The following HRH1 variants were observed in gnomAD, a reference collection of about 807,000 sequenced individuals.
The protein encoded by HRH1 is histamine receptor H1.
HRH1 carries 6 observed loss-of-function variants against 10.3 expected under a neutral mutation model. That is an observed-to-expected ratio of 0.58 (90% CI 0.32 to 1.15). HRH1 has a LOEUF of 1.15. Ranked by LOEUF, HRH1 falls within the 50% of genes most tolerant of loss-of-function variation. The probability of loss-of-function intolerance (pLI) is 0.05; values close to 1 mark genes in which losing one functional copy is unlikely to be tolerated. For synonymous variants in HRH1, 242 were observed against 236.7 expected, an observed-to-expected ratio of 1.02 and a Z score of -0.21; for missense variants, 514 against 615.3, an observed-to-expected ratio of 0.84 and a Z score of 1.74.
intron 1 of HRH1, among the ~76,000 whole-genome samples, chr3:11,240,628 G>A (rs1939307581): frequency 2.0e-5 from 2 of 102,494 alleles, no homozygotes; most frequent in Admixed American, 1.8e-4. Context: ...ATCTTACCCA[G>A]AGGCTGACTC....
intron 1 of HRH1, among the ~76,000 whole-genome samples, chr3:11,225,007 A>T (rs1480577260): frequency 6.6e-6 from 1 of 152,210 alleles, no homozygotes; most frequent in East Asian, 1.9e-4. Context: ...GAAAGTAGGC[A>T]ACGTCAAAGT....
At chr3:11,153,334 C>T (rs1480730343), upstream of HRH1, among the ~76,000 whole-genome samples, 1 of 152,148 alleles carries the variant, frequency 6.6e-6, no homozygotes, top group Non-Finnish European at 1.5e-5. Context: ...TCTTTATGAA[C>T]CCTTGTGTTA....
intron 1 of HRH1, among the ~76,000 whole-genome samples, chr3:11,199,775 C>T (rs113507206): frequency 6.6e-6 from 1 of 152,170 alleles, no homozygotes; most frequent in African/African-American, 2.4e-5. Flanking sequence ...GACCACGTTG[C>T]TGGCTCCATT....
intron 1 of HRH1, among the ~76,000 whole-genome samples, chr3:11,194,498 A>G (rs1395654388): frequency 6.6e-6 from 1 of 152,198 alleles, no homozygotes; most frequent in Non-Finnish European, 1.5e-5. Flanking sequence ...CCTCCTTCAT[A>G]TACCAACTGT....
intron 1 of HRH1, among the ~76,000 whole-genome samples, chr3:11,207,150 G>A (rs1287188417): frequency 6.6e-6 from 1 of 152,196 alleles, no homozygotes; most frequent in Non-Finnish European, 1.5e-5. Context: ...GTTGATGGTG[G>A]GCAGGGGGCA....
At chr3:11,228,556 G>A (rs1197218973) in intron 1 of HRH1, among the ~76,000 whole-genome samples, 1 of 152,004 alleles carries the variant, frequency 6.6e-6, no homozygotes, top group African/African-American at 2.4e-5. Flanking sequence ...AAATATAAGT[G>A]AATATCACAG....
At chr3:11,166,475 C>T (rs1352086415) in intron 1 of HRH1, among the ~76,000 whole-genome samples, 1 of 152,250 alleles carries the variant, frequency 6.6e-6, no homozygotes, top group East Asian at 1.9e-4. Context: ...GCATTCCTGC[C>T]CTGGTGAGGC....
intron 1 of HRH1, among the ~76,000 whole-genome samples, chr3:11,258,283 A>G (rs1431366093): frequency 6.6e-6 from 1 of 151,610 alleles, no homozygotes; most frequent in Non-Finnish European, 1.5e-5. Context: ...AAGCAAAACA[A>G]AGCCCATTTA....
At chr3:11,220,373 CCT>C (rs1306484186) in intron 1 of HRH1, among the ~76,000 whole-genome samples, 1 of 152,162 alleles carries the variant, frequency 6.6e-6, no homozygotes, top group Non-Finnish European at 1.5e-5. Flanking sequence ...CCTGAGAATC[CCT>C]GTCCTCTGTG....
At chr3:11,196,056 C>G (rs987893075) in intron 1 of HRH1, among the ~76,000 whole-genome samples, 8 of 152,372 alleles carry the variant, frequency 5.3e-5, no homozygotes, top group Non-Finnish European at 7.3e-5. Flanking sequence ...AGTCCATTCT[C>G]TTTCCTGCAG....
intron 1 of HRH1, among the ~76,000 whole-genome samples, chr3:11,185,260 T>C (rs1247135637): frequency 5.3e-5 from 8 of 152,192 alleles, no homozygotes; most frequent in Admixed American, 5.2e-4. Context: ...CTCAGGAACC[T>C]GCACTTTCAC....
rs61738990 is a variant in HRH1, at chr3:11,259,195, G to A, written c.158G>A (p.Arg53Gln). Residue 53 changes from arginine to glutamine, a missense_variant, in exon 2 of 2, where the codon CGG (arginine) becomes CAG (glutamine). By Grantham distance (43) the Arg-to-Gln change is conservative. Transcript: ENST00000431010. This position sits in a 1 kb window ranked among gnomAD's most constrained non-coding sequence, Gnocchi z 4.6. ...GLNLLVLYAV[R>Q]SERKLHTVGN... ...AACCTGCTGGTGCTGTATGCCGTAC[G>A]GAGTGAGCGGAAGCTCCACACTGTG... 2.5e-4 allele frequency: 407 copies of A among 1,613,820 alleles called. No homozygotes were observed. Among genetic ancestry groups the A allele is most frequent in the African/African-American group, 2.5e-3 (186 of 74,930 alleles).
At chr3:11,203,323 C>T (rs557500886) in intron 1 of HRH1, among the ~76,000 whole-genome samples, 5 of 152,232 alleles carry the variant, frequency 3.3e-5, no homozygotes, top group East Asian at 1.9e-4. Context: ...TTGTGAGAAA[C>T]GGCCAAACTG....
At chr3:11,200,623 A>G (rs979308408) in intron 1 of HRH1, among the ~76,000 whole-genome samples, 1 of 152,174 alleles carries the variant, frequency 6.6e-6, no homozygotes. Flanking sequence ...TGTGCTGTTC[A>G]TTTCTGCATC....
chr3:11,180,945 G>GCACACACACACACACACA (rs1229311363), intron 1 of HRH1, among the ~76,000 whole-genome samples: 1 of 64,634 alleles, frequency 1.5e-5, no homozygotes, highest in African/African-American at 6.2e-5. Flanking sequence ...CTTCTCTCAG[G>GCACACACACACACACACA]CATACACACA....
At chr3:11,240,228 C>T (rs1004487853) in intron 1 of HRH1, among the ~76,000 whole-genome samples, 2 of 152,038 alleles carry the variant, frequency 1.3e-5, no homozygotes, top group African/African-American at 2.4e-5. Flanking sequence ...CCCCTATGAA[C>T]CAGCTTGAGG....
chr3:11,182,274 G>A (rs1937372643), intron 1 of HRH1, among the ~76,000 whole-genome samples: 4 of 152,130 alleles, frequency 2.6e-5, no homozygotes, highest in Admixed American at 2.6e-4. Flanking sequence ...GAGCCACCGC[G>A]CCCGGCCCGT....
At chr3:11,150,548 A>G (rs1454574853), upstream of HRH1, among the ~76,000 whole-genome samples, 2 of 152,174 alleles carry the variant, frequency 1.3e-5, no homozygotes, top group Admixed American at 1.3e-4. Flanking sequence ...ACGTAGTGAC[A>G]CTCATTTCTT....
intron 1 of HRH1, among the ~76,000 whole-genome samples, chr3:11,190,503 G>T (rs959386873): frequency 6.6e-6 from 1 of 152,000 alleles, no homozygotes; most frequent in African/African-American, 2.4e-5. Flanking sequence ...CAATTCTCTT[G>T]CCTCAGCCTC....
Sources: gnomAD v4.1 joint callset for allele counts (sites outside exome capture counted in the v4.1 genomes callset) on GRCh38, gnomAD v4.1.1 for gene constraint, Gnocchi (gnomAD v3.1) non-coding constraint, MANE v1.5 for transcripts, NCBI Gene and HGNC (gene_info 2026-07-23, HGNC 2026-07-21) for gene names.